DTX1: variants seen among roughly 807,000 people sequenced by gnomAD.
DTX1 encodes the protein deltex E3 ubiquitin ligase 1, also known as E3 ubiquitin-protein ligase DTX1.
A neutral mutation model predicts 57.8 loss-of-function variants in DTX1; 26 were observed. That is an observed-to-expected ratio of 0.45 (90% CI 0.33 to 0.62). The LOEUF is 0.62. Among genes scored for constraint, DTX1 ranks in the 20% least tolerant of loss-of-function variants. DTX1 has a pLI of 0.02. For synonymous variants in DTX1, 398 were observed against 394.1 expected, an observed-to-expected ratio of 1.01 and a Z score of -0.12; for missense variants, 704 against 895.3, an observed-to-expected ratio of 0.79 and a Z score of 2.73.
At chr12:113,071,441 C>T (rs1245428722) in intron 2 of DTX1, among the ~76,000 whole-genome samples, 2 of 152,254 alleles carry the variant, frequency 1.3e-5, no homozygotes, top group African/African-American at 4.8e-5. Context: ...GGCAGAGGCA[C>T]GGAGCCCATG....
intron 2 of DTX1, among the ~76,000 whole-genome samples, chr12:113,066,660 A>G (rs1339953863): frequency 6.6e-6 from 1 of 152,048 alleles, no homozygotes; most frequent in Non-Finnish European, 1.5e-5. Flanking sequence ...AACTTGTGTG[A>G]TTGTGGTCAC....
intron 2 of DTX1, among the ~76,000 whole-genome samples, chr12:113,062,384 C>T (rs528083188): frequency 1.8e-4 from 28 of 152,322 alleles, no homozygotes; most frequent in African/African-American, 6.0e-4. Flanking sequence ...TCTAATCAAA[C>T]TAGTTGTGGA....
At position 113,095,025 on chromosome 12, in the gene DTX1, C is replaced by T; in HGVS notation, c.1387-17C>T. 1 of 1,604,816 alleles carries T rather than the reference C, an allele frequency of 6.2e-7. No individual in the cohort carries two copies. The highest frequency in any genetic ancestry group is 8.5e-7 in the Non-Finnish European group (1 of 1,172,606). ...TGGGGGGGTGCTGGGAACTCACTGCCAGCCTCCCCTGCCCAGGATGGCAGC... is the reference window on the plus strand; with the variant it reads ...TGGGGGGGTGCTGGGAACTCACTGCTAGCCTCCCCTGCCCAGGATGGCAGC... On this transcript the variant is annotated splice_polypyrimidine_tract_variant and intron_variant, in intron 7 of 9. Transcript: ENST00000548759.
chr12:113,093,281 C>G lies in DTX1; in HGVS notation c.1003+58C>G, dbSNP rs147968195. 1.6e-5 allele frequency: 24 copies of G among 1,534,870 alleles called. No individual in the cohort carries two copies. The highest frequency in any genetic ancestry group is 2.0e-5 in the Non-Finnish European group (23 of 1,135,952). ...GGGGCCCACTAGGAGGCAGCTCCGC[C>G]TGTCACCCGGTGACCCCGCCCCCGA... On this transcript the variant is annotated intron_variant, in intron 4 of 9. Coordinates refer to ENST00000548759, the MANE Select transcript of DTX1 (RefSeq NM_004416.3). The surrounding 1 kb of genome is among the most constrained non-coding windows in gnomAD (Gnocchi z 4.2).
At chr12:113,079,848 C>CATGCCCGGCCCCCTTCTTG (rs2044804091) in intron 3 of DTX1, among the ~76,000 whole-genome samples, 1 of 152,078 alleles carries the variant, frequency 6.6e-6, no homozygotes, top group Admixed American at 6.6e-5. Flanking sequence ...CATGAGCCAC[C>CATGCCCGGCCCCCTTCTTG]ATGCCCGGCC....
rs145555819 is a variant in DTX1 at position 113,096,283 on chromosome 12, C to A, written c.1639-432C>A. The stretch of plus-strand genomic sequence containing the variant: ...CTTGGGGAGGCCGAGGTGGGAGGAT[C>A]ACTTGAGGCCAGGAGTTTGAGACCA... On this transcript the variant is annotated intron_variant, in intron 9 of 9. Transcript: ENST00000548759. Among the ~76,000 whole-genome samples the A allele has an allele frequency of 5.3e-3, 793 of 149,914 alleles. 5 individuals carry two copies. Among genetic ancestry groups the A allele is most frequent in the African/African-American group, 0.019 (769 of 40,872 alleles).
At chr12:113,074,963 C>G (rs907647018) in intron 2 of DTX1, among the ~76,000 whole-genome samples, 1 of 152,152 alleles carries the variant, frequency 6.6e-6, no homozygotes, top group African/African-American at 2.4e-5. Flanking sequence ...CAGGGGAGAG[C>G]AGAGCTGAGT....
intron 2 of DTX1, among the ~76,000 whole-genome samples, chr12:113,060,504 G>C (rs1902954): frequency 6.6e-6 from 1 of 152,092 alleles, no homozygotes; most frequent in African/African-American, 2.4e-5. Flanking sequence ...CCCAGGCAGA[G>C]GGCACAGCCA....
intron 3 of DTX1, among the ~76,000 whole-genome samples, chr12:113,087,145 C>T (rs373556695): frequency 5.2e-5 from 7 of 135,190 alleles, no homozygotes; most frequent in African/African-American, 2.7e-4. Context: ...CCCCCGCAGC[C>T]CCCATACCTC....
Position 113,069,967 on chromosome 12 carries a change from C to T in DTX1, c.260-7457C>T, listed in dbSNP as rs1032564323. 3.3e-5 allele frequency among the ~76,000 whole-genome samples: 5 copies of T among 152,128 alleles called. No homozygotes were observed. The East Asian group carries it at 5.8e-4, about 18-fold the overall frequency. On this transcript the variant is annotated intron_variant, in intron 2 of 9. Transcript: ENST00000548759. ...CCATGTCACTTACTTACCATGCAAC[C>T]GCTGTGCCTCAGTTTCCTCCCCCAG...
At chr12:113,095,923 C>G (rs138593139) in intron 9 of DTX1, among the ~76,000 whole-genome samples, 256 of 152,320 alleles carry the variant, frequency 1.7e-3, no homozygotes, top group African/African-American at 5.7e-3. Context: ...AAAAAACAGG[C>G]AGGGCCGGGT....
intron 3 of DTX1, among the ~76,000 whole-genome samples, chr12:113,086,208 A>G (rs1193407642): frequency 1.3e-5 from 2 of 151,994 alleles, no homozygotes; most frequent in African/African-American, 4.8e-5. Flanking sequence ...GCAGTGAGCC[A>G]AGATCGAGCC....
At chr12:113,087,926 A>G (rs1353642793) in intron 3 of DTX1, among the ~76,000 whole-genome samples, 1 of 152,176 alleles carries the variant, frequency 6.6e-6, no homozygotes, top group Non-Finnish European at 1.5e-5. Context: ...TCTAGGGGAC[A>G]GAGAGAGGTG....
intron 3 of DTX1, among the ~76,000 whole-genome samples, chr12:113,087,454 C>T (rs1000378221): frequency 7.2e-5 from 11 of 151,732 alleles, no homozygotes; most frequent in Non-Finnish European, 1.3e-4. Context: ...GTGGGGGTGG[C>T]GGCAGGGACT....
chr12:113,058,092 G>T lies in DTX1; in HGVS notation c.-101G>T. 4 of 1,443,552 alleles carry T rather than the reference G, an allele frequency of 2.8e-6. No homozygotes were observed. The highest frequency in any genetic ancestry group is 3.6e-6 in the Non-Finnish European group (4 of 1,098,576). 89.4% of individuals were successfully genotyped at this position (1,443,552 alleles called of 1,614,324 possible). On this transcript the variant is annotated 5_prime_UTR_variant, in exon 2 of 10. Coordinates refer to ENST00000548759, the MANE Select transcript of DTX1 (RefSeq NM_004416.3). ...TTAGAAAGGAGGCCAGACGGTCCTT[G>T]CTGTCCCCCTGGGGAGAGAGGAAGT... is the stretch of plus-strand genomic sequence containing the variant.
chr12:113,081,674 C>G (rs2044818417), intron 3 of DTX1, among the ~76,000 whole-genome samples: 1 of 152,088 alleles, frequency 6.6e-6, no homozygotes, highest in African/African-American at 2.4e-5. Flanking sequence ...GCATGAACAA[C>G]TTCAAGGGGG....
At chr12:113,090,986 C>T (rs542176623) in intron 3 of DTX1, among the ~76,000 whole-genome samples, 11 of 152,216 alleles carry the variant, frequency 7.2e-5, no homozygotes, top group Non-Finnish European at 1.3e-4. Context: ...ACAGGCGGTG[C>T]GGAATCGTGT....
intron 3 of DTX1, among the ~76,000 whole-genome samples, chr12:113,087,002 G>A (rs1038117710): frequency 1.4e-5 from 2 of 143,070 alleles, no homozygotes; most frequent in East Asian, 2.1e-4. Context: ...TGGCTGCCCC[G>A]GGCCGTGGGA....
rs751103596 is a variant in DTX1 at position 113,096,846 on chromosome 12, C to A, written c.1770C>A (p.Leu590=). ...IHHKTEFGSN[L]TGHGYPDASY... ...ACAAGACCGAGTTTGGATCCAACCT[C>A]ACGGGCCACGGCTACCCGGACGCTA... Residue 590 remains leucine, a synonymous_variant, in exon 10 of 10, where the codon CTC becomes CTA. Transcript: ENST00000548759. The A allele has an allele frequency of 4.3e-6, 7 of 1,613,826 alleles. No homozygotes were observed. The African/African-American group carries it at 9.3e-5, about 22-fold the overall frequency.
Sources: gnomAD v4.1 joint callset for allele counts (sites outside exome capture counted in the v4.1 genomes callset) on GRCh38, gnomAD v4.1.1 for gene constraint, Gnocchi (gnomAD v3.1) non-coding constraint, MANE v1.5 for transcripts, NCBI Gene and HGNC (gene_info 2026-07-23, HGNC 2026-07-21) for gene names.